FCHO2: variants seen among roughly 807,000 people sequenced by gnomAD.
FCHO2 encodes FCH and mu domain containing endocytic adaptor 2.
A neutral mutation model predicts 114.1 loss-of-function variants in FCHO2; 43 were observed. The ratio of observed to expected loss-of-function variants is 0.38; its 90% CI spans 0.30 to 0.49. FCHO2 has a LOEUF of 0.49. Ranked by LOEUF, FCHO2 falls within the 20% of genes least tolerant of loss-of-function variation. FCHO2 has a pLI of 0.97. For missense variants in FCHO2, 807 were observed against 950.4 expected (o/e 0.85, Z 1.98); for synonymous variants, 293 against 315.2 (o/e 0.93, Z 0.75).
intron 5 of FCHO2, among the ~76,000 whole-genome samples, chr5:72,994,596 C>T (rs1753979271): frequency 6.6e-6 from 1 of 152,168 alleles, no homozygotes; most frequent in Non-Finnish European, 1.5e-5. Context: ...GAGCTAAAAA[C>T]AGAACTACCA....
chr5:73,079,336 A>G (rs1743019602), intron 22 of FCHO2, among the ~76,000 whole-genome samples: 1 of 152,216 alleles, frequency 6.6e-6, no homozygotes, highest in Non-Finnish European at 1.5e-5. Flanking sequence ...GACAGTATTT[A>G]AAATAGTTTG....
chr5:72,994,888 C>T (rs1754000567), intron 5 of FCHO2, among the ~76,000 whole-genome samples: 1 of 151,982 alleles, frequency 6.6e-6, no homozygotes. Context: ...TGCATGTTCT[C>T]ACTTATAAGT....
At chr5:73,083,450 T>A (rs996163345) in intron 24 of FCHO2, among the ~76,000 whole-genome samples, 1 of 152,228 alleles carries the variant, frequency 6.6e-6, no homozygotes, top group African/African-American at 2.4e-5. Flanking sequence ...TAAGAAACTA[T>A]ACCTAGTAAA....
In FCHO2 at chr5:73,078,321, CACG is replaced by C. The variant is rs1364463859; in HGVS notation, c.1980+12_1980+14del. The C allele has an allele frequency of 2.4e-5, 38 of 1,577,202 alleles. No homozygotes were observed. Among genetic ancestry groups the C allele is most frequent in the Non-Finnish European group, 3.2e-5 (37 of 1,167,040 alleles). On this transcript the variant is annotated intron_variant, in intron 22 of 25. Transcript: ENST00000430046. ...ATGTATTAAAGTATCAGGTGAGTGT[CACG>C]ACATTGCAAAAATTCTAAATTAAAA...
intron 9 of FCHO2, among the ~76,000 whole-genome samples, chr5:73,035,353 A>C (rs1043692182): frequency 2.2e-4 from 34 of 152,094 alleles, no homozygotes; most frequent in African/African-American, 7.2e-4. Flanking sequence ...TGGGAGGAGG[A>C]GTCTGTGGTG....
intron 8 of FCHO2, among the ~76,000 whole-genome samples, chr5:73,023,732 CA>C (rs977219364): frequency 2.4e-4 from 36 of 151,726 alleles, no homozygotes; most frequent in African/African-American, 8.7e-4. Flanking sequence ...AGTCCAAACA[CA>C]TTTATTTAAC....
At chr5:73,027,616 T>C (rs980581843) in intron 8 of FCHO2, among the ~76,000 whole-genome samples, 1 of 151,996 alleles carries the variant, frequency 6.6e-6, no homozygotes, top group Non-Finnish European at 1.5e-5. Context: ...CTTGAGCAAG[T>C]AATAAGTAAT....
intron 19 of FCHO2, among the ~76,000 whole-genome samples, chr5:73,074,043 C>T (rs12189246): frequency 0.19 from 28,352 of 151,932 alleles, 3,101 homozygotes; most frequent in East Asian, 0.43. Context: ...GGATACTTCA[C>T]TTAGGTTACA....
At chr5:72,959,132 T>C (rs1346117142) in intron 1 of FCHO2, among the ~76,000 whole-genome samples, 1 of 152,204 alleles carries the variant, frequency 6.6e-6, no homozygotes, top group Non-Finnish European at 1.5e-5. Context: ...ATTTCCTGGC[T>C]TGGAATTGGG....
In FCHO2 at chr5:72,979,378, CTTTTTTTTTTTTTTTT is replaced by C. The variant is rs60234739; in HGVS notation, c.126-10033_126-10018del. Among the ~76,000 whole-genome samples the C allele has an allele frequency of 1.8e-4, 9 of 49,792 alleles. 1 individual carries two copies. In the South Asian group the frequency reaches 5.5e-3, roughly 30 times the overall value. 32.7% of individuals were successfully genotyped at this position (49,792 alleles called of 152,430 possible). A position where few individuals can be genotyped will look rare whatever the true frequency, so the allele number is the denominator to read the frequency against. ...TATGTGTCCAGGAATTTATCAATTTCTTTTTTTTTTTTTTTTTTTTTTTTTTTTTTTGAGACGGAGT... is the reference window on the plus strand; with the variant it reads ...TATGTGTCCAGGAATTTATCAATTTCTTTTTTTTTTTTTTTGAGACGGAGT... On this transcript the variant is annotated intron_variant, in intron 2 of 25. Coordinates refer to ENST00000430046, the MANE Select transcript of FCHO2 (RefSeq NM_138782.3).
Sources: allele counts gnomAD v4.1 joint callset (sites outside exome capture counted in the v4.1 genomes callset), GRCh38; gene constraint gnomAD v4.1.1; transcripts MANE v1.5; gene names NCBI Gene and HGNC (gene_info 2026-07-23, HGNC 2026-07-21).